Variants in SGCZ observed in about 807,000 individuals in gnomAD.
The protein encoded by SGCZ is sarcoglycan zeta.
A neutral mutation model predicts 41.3 loss-of-function variants in SGCZ; 40 were observed. The observed-to-expected ratio is 0.97, with a 90% CI of 0.75 to 1.26. SGCZ has a LOEUF of 1.26. Ranked by LOEUF, SGCZ falls within the 50% of genes most tolerant of loss-of-function variation. The pLI is 0.00. For synonymous variants in SGCZ, 206 were observed against 137.5 expected, an observed-to-expected ratio of 1.50 and a Z score of -3.49; for missense variants, 552 against 369.8, an observed-to-expected ratio of 1.49 and a Z score of -4.04.
intron 1 of SGCZ, among the ~76,000 whole-genome samples, chr8:15,198,989 A>C (rs2117129439): frequency 6.6e-6 from 1 of 152,332 alleles, no homozygotes; most frequent in African/African-American, 2.4e-5. Flanking sequence ...CAAGTAACTG[A>C]AATTTTATCT....
intron 1 of SGCZ, among the ~76,000 whole-genome samples, chr8:14,765,252 G>A (rs1800003901): frequency 6.6e-6 from 1 of 152,086 alleles, no homozygotes; most frequent in South Asian, 2.1e-4. Flanking sequence ...ACTCATAAAA[G>A]AAGCTGAAAT....
chr8:14,708,798 T>G (rs375173635), intron 1 of SGCZ, among the ~76,000 whole-genome samples: 3 of 141,332 alleles, frequency 2.1e-5, no homozygotes, highest in African/African-American at 7.9e-5. Context: ...ACACTTGGAA[T>G]GATGTTTTAT....
At chr8:14,931,757 C>G (rs1030439584) in intron 1 of SGCZ, among the ~76,000 whole-genome samples, 2 of 151,990 alleles carry the variant, frequency 1.3e-5, no homozygotes, top group Non-Finnish European at 2.9e-5. Context: ...TTAAAAAGAG[C>G]TTTGTCCAAG....
chr8:14,279,902 C>G (rs1438570989), intron 3 of SGCZ, among the ~76,000 whole-genome samples: 2 of 151,792 alleles, frequency 1.3e-5, no homozygotes, highest in Non-Finnish European at 2.9e-5. Context: ...AAGTCATCCT[C>G]TGACTTATTT....
chr8:14,835,911 A>G (rs1434982803), intron 1 of SGCZ, among the ~76,000 whole-genome samples: 1 of 152,242 alleles, frequency 6.6e-6, no homozygotes, highest in Non-Finnish European at 1.5e-5. Flanking sequence ...CTGCTGAGTA[A>G]TCATCTATAA....
At chr8:14,811,145 A>G (rs1801725804) in intron 1 of SGCZ, among the ~76,000 whole-genome samples, 1 of 152,052 alleles carries the variant, frequency 6.6e-6, no homozygotes, top group African/African-American at 2.4e-5. Flanking sequence ...CTGCAATCCA[A>G]TCTTAATAGA....
chr8:14,115,368 C>A (rs531491481), intron 5 of SGCZ, among the ~76,000 whole-genome samples: 2 of 151,864 alleles, frequency 1.3e-5, no homozygotes. Flanking sequence ...ATAATTTTAA[C>A]GAGTTGAAAT....
chr8:14,216,058 A>C (rs759215099), intron 4 of SGCZ, among the ~76,000 whole-genome samples: 1 of 152,246 alleles, frequency 6.6e-6, no homozygotes, highest in African/African-American at 2.4e-5. Flanking sequence ...AGATTTAATG[A>C]CAAAGGCTTT....
At chr8:14,456,823 T>C (rs1009773898) in intron 2 of SGCZ, among the ~76,000 whole-genome samples, 2 of 152,182 alleles carry the variant, frequency 1.3e-5, no homozygotes, top group Non-Finnish European at 2.9e-5. Flanking sequence ...CGTGGCATAC[T>C]GCTGTCTTTG....
chr8:15,122,231 A>G (rs1807509422), intron 1 of SGCZ, among the ~76,000 whole-genome samples: 1 of 151,966 alleles, frequency 6.6e-6, no homozygotes, highest in Non-Finnish European at 1.5e-5. Context: ...TTTTTTTCCA[A>G]GTAGTGAAGT....
At chr8:15,205,775 G>A (rs1489584502) in intron 1 of SGCZ, among the ~76,000 whole-genome samples, 6 of 152,116 alleles carry the variant, frequency 3.9e-5, no homozygotes, top group African/African-American at 1.2e-4. Flanking sequence ...TATACCCAGA[G>A]GAATGTACAT....
intron 5 of SGCZ, among the ~76,000 whole-genome samples, chr8:14,153,167 C>T (rs1803762790): frequency 6.6e-6 from 1 of 152,156 alleles, no homozygotes; most frequent in South Asian, 2.1e-4. Flanking sequence ...TTGAGAAAAA[C>T]TAGGTGAATG....
intron 2 of SGCZ, among the ~76,000 whole-genome samples, chr8:14,405,488 A>T (rs545499608): frequency 6.6e-6 from 1 of 152,298 alleles, no homozygotes; most frequent in South Asian, 2.1e-4. Context: ...TATTTAAATA[A>T]TATACTCTCT....
In SGCZ at chr8:14,536,462, G is replaced by C. The variant is rs187825375; in HGVS notation, c.234+18270C>G. Among the ~76,000 whole-genome samples, 87 of 151,650 alleles carry C rather than the reference G, an allele frequency of 5.7e-4. No individual in the cohort carries two copies. The East Asian group carries it at 0.011, about 19-fold the overall frequency. On this transcript the variant is annotated intron_variant, in intron 2 of 7. Transcript: ENST00000382080. ...AGTTATTTGAACGAGATCTACTTTT[G>C]ATTTCTTTTCATGCTTCAGATCAAA...
intron 1 of SGCZ, among the ~76,000 whole-genome samples, chr8:14,880,842 T>C (rs929544595): frequency 3.9e-5 from 6 of 152,046 alleles, no homozygotes; most frequent in African/African-American, 1.2e-4. Context: ...TTAGGAGATA[T>C]ATACCTAATG....
chr8:14,395,874 T>C (rs768608904), intron 2 of SGCZ, among the ~76,000 whole-genome samples: 4 of 152,188 alleles, frequency 2.6e-5, no homozygotes, highest in Non-Finnish European at 5.9e-5. Context: ...TTAAAGTTAC[T>C]GCAAAAAGTA....
At chr8:14,213,135 TA>T (rs1805873248) in intron 4 of SGCZ, among the ~76,000 whole-genome samples, 3 of 151,922 alleles carry the variant, frequency 2.0e-5, no homozygotes, top group South Asian at 4.2e-4. Flanking sequence ...AAGGAGGGGA[TA>T]AAAAATATTC....
chr8:14,781,292 C>T (rs1585254993), intron 1 of SGCZ, among the ~76,000 whole-genome samples: 2 of 152,122 alleles, frequency 1.3e-5, no homozygotes, highest in Non-Finnish European at 2.9e-5. Context: ...AGTGCAATGG[C>T]GCCATCTTGG....
Position 14,607,115 on chromosome 8 carries a change from T to C in SGCZ, c.40-52189A>G, listed in dbSNP as rs114433608. On this transcript the variant is annotated intron_variant, in intron 1 of 7. Transcript: ENST00000382080. ...GCCTGGTCCTCAGTTTTTTCATCTG[T>C]AAAATGGGGATAATAACTTTTATCT... is the stretch of plus-strand genomic sequence containing the variant. Among the ~76,000 whole-genome samples, 1,344 of 152,274 alleles carry C rather than the reference T, an allele frequency of 8.8e-3. 21 individuals are homozygous for C. Among genetic ancestry groups the C allele is most frequent in the African/African-American group, 0.031 (1,268 of 41,562 alleles).
Sources: gnomAD v4.1 joint callset for allele counts (sites outside exome capture counted in the v4.1 genomes callset) on GRCh38, gnomAD v4.1.1 for gene constraint, MANE v1.5 for transcripts, NCBI Gene and HGNC (gene_info 2026-07-23, HGNC 2026-07-21) for gene names.